The following MAGI2 variants were observed in gnomAD, a reference collection of about 807,000 sequenced individuals.
MAGI2 encodes membrane associated guanylate kinase, WW and PDZ domain containing 2.
Under a neutral mutation model 133.3 loss-of-function variants are expected in MAGI2, and 35 were observed. The observed-to-expected ratio is 0.26, with a 90% confidence interval of 0.20 to 0.35. The LOEUF (loss-of-function observed/expected upper bound fraction) is 0.35, where lower values mean the gene tolerates loss of function less well. Ranked by LOEUF, MAGI2 falls within the 10% of genes least tolerant of loss-of-function variation. The probability of loss-of-function intolerance (pLI) is 1.00; values close to 1 mark genes in which losing one functional copy is unlikely to be tolerated. For missense variants in MAGI2, 1,636 were observed against 1,863.4 expected, an observed-to-expected ratio of 0.88 and a Z score of 2.25; for synonymous variants, 729 against 710.6, an observed-to-expected ratio of 1.03 and a Z score of -0.41.
chr7:79,193,017 G>T (rs932056095), intron 1 of MAGI2, among the ~76,000 whole-genome samples: 2 of 151,714 alleles, frequency 1.3e-5, no homozygotes, highest in Non-Finnish European at 2.9e-5. Context: ...AATATGTTTG[G>T]GATGTAAAAT....
At chr7:79,079,045 C>T (rs1051053967) in intron 1 of MAGI2, among the ~76,000 whole-genome samples, 40 of 152,134 alleles carry the variant, frequency 2.6e-4, no homozygotes, top group Admixed American at 3.9e-4. Flanking sequence ...CCCTAATTTT[C>T]TTTACATAGC....
intron 6 of MAGI2, among the ~76,000 whole-genome samples, chr7:78,386,516 C>T (rs1307322452): frequency 6.6e-6 from 1 of 152,120 alleles, no homozygotes; most frequent in Non-Finnish European, 1.5e-5. Flanking sequence ...AAAAATATTA[C>T]CCTTATAAAG....
At chr7:78,992,252 A>C (rs955676348) in intron 2 of MAGI2, among the ~76,000 whole-genome samples, 1 of 152,030 alleles carries the variant, frequency 6.6e-6, no homozygotes. Flanking sequence ...GAATAATAAT[A>C]TATACCTTAC....
intron 3 of MAGI2, among the ~76,000 whole-genome samples, chr7:78,559,136 C>CAAAAAAAAAAAAAAAAAAAAAAA (rs71085541): frequency 3.7e-5 from 2 of 54,728 alleles, no homozygotes; most frequent in Non-Finnish European, 6.0e-5. Flanking sequence ...TCTGAATTTC[C>CAAAAAAAAAAAAAAAAAAAAAAA]AAAAAAAAAA....
chr7:78,640,363 A>G (rs915741686), intron 2 of MAGI2, among the ~76,000 whole-genome samples: 1 of 152,192 alleles, frequency 6.6e-6, no homozygotes, highest in African/African-American at 2.4e-5. Flanking sequence ...TTGCTGAGAA[A>G]TGCAATTATC....
At chr7:78,555,719 A>G (rs564056470) in intron 3 of MAGI2, among the ~76,000 whole-genome samples, 1 of 152,302 alleles carries the variant, frequency 6.6e-6, no homozygotes, top group South Asian at 2.1e-4. Context: ...CCATTACCAC[A>G]TTTGAGAAAG....
chr7:78,592,828 C>CTTTTTTT (rs10675572), intron 3 of MAGI2, among the ~76,000 whole-genome samples: 13 of 106,874 alleles, frequency 1.2e-4, no homozygotes, highest in African/African-American at 1.3e-4. Context: ...TACTGATTCT[C>CTTTTTTT]TTTTTTTTTT....
chr7:79,174,979 G>A (rs1314056397), intron 1 of MAGI2, among the ~76,000 whole-genome samples: 1 of 151,784 alleles, frequency 6.6e-6, no homozygotes, highest in Non-Finnish European at 1.5e-5. Flanking sequence ...GTGCTCTTGG[G>A]CCAAGTAATT....
intron 1 of MAGI2, among the ~76,000 whole-genome samples, chr7:79,386,489 T>C (rs914014724): frequency 3.3e-5 from 5 of 152,082 alleles, no homozygotes; most frequent in African/African-American, 4.8e-5. Context: ...ATCATTATGA[T>C]AACTAAAAAA....
intron 2 of MAGI2, among the ~76,000 whole-genome samples, chr7:78,956,539 G>GA (rs1802394266): frequency 1.3e-5 from 2 of 151,998 alleles, no homozygotes; most frequent in Non-Finnish European, 2.9e-5. Flanking sequence ...TCTAAGTTGA[G>GA]AAAAAAAGTG....
chr7:79,011,321 T>C (rs1808064849), intron 1 of MAGI2, among the ~76,000 whole-genome samples: 2 of 152,184 alleles, frequency 1.3e-5, no homozygotes, highest in South Asian at 2.1e-4. Context: ...AAGATGCTGC[T>C]TGGATTGGAG....
intron 3 of MAGI2, among the ~76,000 whole-genome samples, chr7:78,580,386 G>A (rs150841937): frequency 3.9e-5 from 6 of 152,288 alleles, no homozygotes; most frequent in Non-Finnish European, 7.4e-5. Flanking sequence ...AGGTAATGAT[G>A]TACGTGTTCA....
At chr7:78,399,284 A>G (rs1796633224) in intron 6 of MAGI2, among the ~76,000 whole-genome samples, 2 of 152,170 alleles carry the variant, frequency 1.3e-5, no homozygotes, top group South Asian at 4.1e-4. Flanking sequence ...CAGAAATACT[A>G]AGATCTTTTC....
chr7:78,545,417 T>C (rs1798753507), intron 3 of MAGI2, among the ~76,000 whole-genome samples: 2 of 152,160 alleles, frequency 1.3e-5, no homozygotes, highest in South Asian at 4.2e-4. Flanking sequence ...TTCGCCATGT[T>C]GGTCAGGCTG....
chr7:78,820,370 G>C (rs369532661), intron 2 of MAGI2, among the ~76,000 whole-genome samples: 1 of 151,614 alleles, frequency 6.6e-6, no homozygotes, highest in Admixed American at 6.6e-5. Flanking sequence ...GTTGAATCTC[G>C]GAACAACAGT....
chr7:78,741,417 A>T (rs985744637), intron 2 of MAGI2, among the ~76,000 whole-genome samples: 1 of 126,482 alleles, frequency 7.9e-6, no homozygotes, highest in African/African-American at 3.3e-5. Context: ...ACACACACAC[A>T]CACACACACA....
intron 2 of MAGI2, among the ~76,000 whole-genome samples, chr7:78,651,578 T>G (rs1057312495): frequency 1.3e-5 from 2 of 152,088 alleles, no homozygotes; most frequent in Non-Finnish European, 2.9e-5. Flanking sequence ...CTTCCAATAA[T>G]ATGATTCTTT....
intron 9 of MAGI2, among the ~76,000 whole-genome samples, chr7:78,260,619 T>C (rs1793428514): frequency 6.6e-6 from 1 of 152,224 alleles, no homozygotes; most frequent in Non-Finnish European, 1.5e-5. Flanking sequence ...TTTTCATTAC[T>C]ACATTGCTGG....
At chr7:79,054,809 C>G (rs760677782) in intron 1 of MAGI2, among the ~76,000 whole-genome samples, 3 of 152,160 alleles carry the variant, frequency 2.0e-5, no homozygotes, top group Non-Finnish European at 4.4e-5. Flanking sequence ...CCCTTTGGGA[C>G]AGACGGAGTC....
Sources: allele counts gnomAD v4.1 joint callset (sites outside exome capture counted in the v4.1 genomes callset), GRCh38; gene constraint gnomAD v4.1.1; transcripts MANE v1.5; gene names NCBI Gene and HGNC (gene_info 2026-07-23, HGNC 2026-07-21).